Variants in MOSMO observed in about 807,000 individuals in gnomAD.
The protein encoded by MOSMO is modulator of smoothened protein.
In MOSMO, 5 loss-of-function variants were observed where a neutral mutation model predicts 18.4. The ratio of observed to expected loss-of-function variants is 0.27; its 90% CI spans 0.14 to 0.57. MOSMO has a LOEUF of 0.57. Ranked by LOEUF, MOSMO falls within the 20% of genes least tolerant of loss-of-function variation. The probability of loss-of-function intolerance (pLI) is 0.92; values close to 1 mark genes in which losing one functional copy is unlikely to be tolerated. For missense variants in MOSMO, 138 were observed against 211.8 expected, an observed-to-expected ratio of 0.65 and a Z score of 2.16; for synonymous variants, 82 against 82.3, an observed-to-expected ratio of 1.00 and a Z score of 0.02.
intron 1 of MOSMO, among the ~76,000 whole-genome samples, chr16:22,024,410 G>A (rs781051560): frequency 6.6e-6 from 1 of 151,856 alleles, no homozygotes; most frequent in Non-Finnish European, 1.5e-5. Flanking sequence ...CTGTCACCAG[G>A]CTGGAGAGCA....
chr16:22,053,633 T>C (rs2141749761), intron 1 of MOSMO, among the ~76,000 whole-genome samples: 1 of 152,202 alleles, frequency 6.6e-6, no homozygotes, highest in South Asian at 2.1e-4. Flanking sequence ...TGAAACCCTT[T>C]CTCTACTAAA....
chr16:22,086,507 T>G (rs1013649237), downstream of MOSMO, among the ~76,000 whole-genome samples: 2 of 152,236 alleles, frequency 1.3e-5, no homozygotes, highest in Admixed American at 6.5e-5. Flanking sequence ...CTTTTTCTTA[T>G]GCTTCTGTAA....
At chr16:22,052,911 A>G (rs1329885007) in intron 1 of MOSMO, among the ~76,000 whole-genome samples, 1 of 151,554 alleles carries the variant, frequency 6.6e-6, no homozygotes, top group African/African-American at 2.4e-5. Context: ...GAGAGGGCAC[A>G]TGGGGGATTC....
chr16:22,064,191 C>G, intron 1 of MOSMO: 1 of 390,550 alleles, frequency 2.6e-6, no homozygotes, highest in Non-Finnish European at 5.1e-6. Context: ...GTTTCTTGAT[C>G]ATTGTCCACA....
At chr16:22,065,154 G>T (rs966761425) in intron 1 of MOSMO, among the ~76,000 whole-genome samples, 7 of 152,146 alleles carry the variant, frequency 4.6e-5, no homozygotes, top group African/African-American at 1.7e-4. Flanking sequence ...TAATGTGAGG[G>T]CAGTGTTGGG....
intron 1 of MOSMO, among the ~76,000 whole-genome samples, chr16:22,027,335 A>G (rs2141991584): frequency 6.6e-6 from 1 of 152,318 alleles, no homozygotes; most frequent in Non-Finnish European, 1.5e-5. Flanking sequence ...AACTCTCTGG[A>G]CAAACATTCA....
intron 1 of MOSMO, among the ~76,000 whole-genome samples, chr16:22,042,285 T>A (rs2141732125): frequency 6.6e-6 from 1 of 151,908 alleles, no homozygotes; most frequent in African/African-American, 2.4e-5. Flanking sequence ...GGCATATGAG[T>A]TTTTGGTGGA....
At position 22,009,804 on chromosome 16, in the gene MOSMO, C is replaced by CAAAAAAAAA. The variant is rs56313303; in HGVS notation, c.106+1422_106+1430dup. On this transcript the variant is annotated intron_variant, in intron 1 of 2. Transcript: ENST00000542527. ...CGAAACCCCGTCTCTACTAAAAATA[C>CAAAAAAAAA]AAAAAAAAAAAAAAAAAAAAAAAAA... Among the ~76,000 whole-genome samples, 334 of 35,986 alleles carry CAAAAAAAAA rather than the reference C, an allele frequency of 9.3e-3. 3 individuals carry two copies. Among genetic ancestry groups the CAAAAAAAAA allele is most frequent in the East Asian group, 0.018 (14 of 792 alleles). 23.6% of individuals were successfully genotyped at this position (35,986 alleles called of 152,430 possible). A position where few individuals can be genotyped will look rare whatever the true frequency, so the allele number is the denominator to read the frequency against.
intron 1 of MOSMO, among the ~76,000 whole-genome samples, chr16:22,033,808 G>C (rs1405048744): frequency 2.0e-5 from 3 of 151,930 alleles, no homozygotes; most frequent in African/African-American, 7.2e-5. Context: ...GGCAGAGCGA[G>C]ACTCCATCTC....
At chr16:22,057,130 G>A (rs1371432309) in intron 1 of MOSMO, among the ~76,000 whole-genome samples, 1 of 152,170 alleles carries the variant, frequency 6.6e-6, no homozygotes, top group East Asian at 1.9e-4. Flanking sequence ...AGAGTATAAT[G>A]TGAAAAAATG....
At chr16:22,076,291 A>G (rs1900966173) in intron 2 of MOSMO, 1 of 152,298 alleles carries the variant, frequency 6.6e-6, no homozygotes, top group African/African-American at 2.4e-5. Context: ...ATTTATCTCA[A>G]GTTAAACAGA....
intron 1 of MOSMO, among the ~76,000 whole-genome samples, chr16:22,074,297 C>T (rs1900919221): frequency 6.6e-6 from 1 of 152,156 alleles, no homozygotes; most frequent in South Asian, 2.1e-4. Flanking sequence ...TGGCCAGGCA[C>T]AGTGGCTCAC....
chr16:22,053,528 CA>C (rs1900470844), intron 1 of MOSMO, among the ~76,000 whole-genome samples: 1 of 152,092 alleles, frequency 6.6e-6, no homozygotes, highest in Admixed American at 6.5e-5. Flanking sequence ...TGCAGCCAGG[CA>C]CGGGGGCTCA....
chr16:22,065,078 T>G (rs1403758765), intron 1 of MOSMO, among the ~76,000 whole-genome samples: 1 of 152,204 alleles, frequency 6.6e-6, no homozygotes, highest in Non-Finnish European at 1.5e-5. Flanking sequence ...TTGCTGCTAG[T>G]TAGTATTTAA....
chr16:22,018,757 A>T (rs1439547428), intron 1 of MOSMO, among the ~76,000 whole-genome samples: 1 of 152,192 alleles, frequency 6.6e-6, no homozygotes, highest in Non-Finnish European at 1.5e-5. Context: ...TATGCATAGG[A>T]TCAGGCAATC....
chr16:22,039,480 G>A (rs540801115), intron 1 of MOSMO, among the ~76,000 whole-genome samples: 1 of 152,326 alleles, frequency 6.6e-6, no homozygotes, highest in East Asian at 1.9e-4. Flanking sequence ...TAGAAAATTA[G>A]GTTGGAAAGT....
At chr16:22,063,296 T>C (rs1004081182) in intron 1 of MOSMO, among the ~76,000 whole-genome samples, 3 of 152,240 alleles carry the variant, frequency 2.0e-5, no homozygotes, top group Admixed American at 6.5e-5. Context: ...TGTAAATTGT[T>C]AAGGAAGTAC....
intron 1 of MOSMO, among the ~76,000 whole-genome samples, chr16:22,063,772 G>GT (rs1436009061): frequency 3.3e-5 from 5 of 152,104 alleles, no homozygotes; most frequent in African/African-American, 7.2e-5. Flanking sequence ...CTATATATAT[G>GT]TTTTTTTACC....
chr16:22,051,654 C>G (rs542051444), intron 1 of MOSMO, among the ~76,000 whole-genome samples: 131 of 152,188 alleles, frequency 8.6e-4, no homozygotes, highest in Non-Finnish European at 1.6e-3. Flanking sequence ...AATCAATAAG[C>G]ATAAGTGATT....
Sources: allele counts gnomAD v4.1 joint callset (sites outside exome capture counted in the v4.1 genomes callset), GRCh38; gene constraint gnomAD v4.1.1; transcripts MANE v1.5; gene names NCBI Gene and HGNC (gene_info 2026-07-23, HGNC 2026-07-21).